The following NR3C1 variants were observed in gnomAD, a reference collection of about 807,000 sequenced individuals.
The protein encoded by NR3C1 is glucocorticoid receptor.
In NR3C1, 14 loss-of-function variants were observed where a neutral mutation model predicts 74.0. That is an observed-to-expected ratio of 0.19 (90% CI 0.12 to 0.30). The LOEUF (loss-of-function observed/expected upper bound fraction) is 0.30. Among genes scored for constraint, NR3C1 ranks in the 10% least tolerant of loss-of-function variants. The probability of loss-of-function intolerance (pLI) is 1.00; values close to 1 mark genes in which losing one functional copy is unlikely to be tolerated. For synonymous variants in NR3C1, 308 were observed against 332.5 expected, an observed-to-expected ratio of 0.93 and a Z score of 0.80; for missense variants, 695 against 909.8, an observed-to-expected ratio of 0.76 and a Z score of 3.04.
rs368889650 is a variant in NR3C1, at chr5:143,315,190, ATCTT to A, written c.1185-1026_1185-1023del. On this transcript the variant is annotated intron_variant, in intron 2 of 8. Transcript: ENST00000394464. ...ATTTTTATAAACCAATGAAACAGTG[ATCTT>A]TCTATTACTGGAGGAAAAATTAATT... Among the ~76,000 whole-genome samples, 40 of 152,342 alleles carry A rather than the reference ATCTT, an allele frequency of 2.6e-4. No individual in the cohort carries two copies. In the East Asian group the frequency reaches 5.6e-3, roughly 21 times the overall value.
intron 1 of NR3C1, among the ~76,000 whole-genome samples, chr5:143,428,953 C>A (rs986193343): frequency 6.6e-6 from 1 of 152,128 alleles, no homozygotes; most frequent in Non-Finnish European, 1.5e-5. Flanking sequence ...TTTGACTTGG[C>A]ATTTTGATTA....
intron 2 of NR3C1, chr5:143,389,944 G>A: frequency 1.0e-6 from 1 of 978,542 alleles, no homozygotes; most frequent in Non-Finnish European, 1.2e-6. Context: ...CATCTTTTGG[G>A]GAGAAAGAAC....
intron 2 of NR3C1, among the ~76,000 whole-genome samples, chr5:143,340,965 C>T (rs546745082): frequency 1.3e-5 from 2 of 152,134 alleles, no homozygotes; most frequent in Non-Finnish European, 2.9e-5. Flanking sequence ...CTTTTCTGCT[C>T]CTCTCCCTCC....
intron 6 of NR3C1, among the ~76,000 whole-genome samples, chr5:143,296,638 C>G (rs999630180): frequency 6.6e-6 from 1 of 151,414 alleles, no homozygotes; most frequent in Non-Finnish European, 1.5e-5. Flanking sequence ...TTTTTTTTTC[C>G]CCCACAACGT....
intron 2 of NR3C1, among the ~76,000 whole-genome samples, chr5:143,356,944 T>C (rs1831261835): frequency 6.6e-6 from 1 of 152,180 alleles, no homozygotes; most frequent in African/African-American, 2.4e-5. Flanking sequence ...AGTCAATAGG[T>C]AAATAAATAA....
At chr5:143,357,312 C>T (rs1175283282) in intron 2 of NR3C1, among the ~76,000 whole-genome samples, 3 of 152,142 alleles carry the variant, frequency 2.0e-5, no homozygotes, top group African/African-American at 7.2e-5. Flanking sequence ...CTAGCTTCCA[C>T]TTTCTCTTTA....
At chr5:143,405,409 A>G (rs1841052113), upstream of NR3C1, 2 of 958,050 alleles carry the variant, frequency 2.1e-6, no homozygotes, top group Admixed American at 6.2e-5. Context: ...CGCGTCCCGG[A>G]AGCCGCCCGC....
At chr5:143,390,793 T>C (rs949346010) in intron 2 of NR3C1, among the ~76,000 whole-genome samples, 2 of 152,154 alleles carry the variant, frequency 1.3e-5, no homozygotes, top group Non-Finnish European at 2.9e-5. Context: ...AGAAAATAAA[T>C]GTTATCATTC....
At chr5:143,425,671 T>C (rs190465853) in intron 1 of NR3C1, among the ~76,000 whole-genome samples, 69 of 152,222 alleles carry the variant, frequency 4.5e-4, no homozygotes, top group African/African-American at 1.6e-3. Context: ...ATACAGGAGA[T>C]ATCACTTCAT....
chr5:143,286,233 CA>C (rs1235906740), intron 7 of NR3C1, among the ~76,000 whole-genome samples: 1 of 152,062 alleles, frequency 6.6e-6, no homozygotes, highest in Non-Finnish European at 1.5e-5. Flanking sequence ...AAAAAGGCTC[CA>C]AACAAACCAA....
At chr5:143,404,380 G>A (rs1279264368), upstream of NR3C1, 2 of 984,014 alleles carry the variant, frequency 2.0e-6, no homozygotes, top group African/African-American at 3.5e-5. Flanking sequence ...ACGTACTTTG[G>A]GCCCGGGGGG....
In NR3C1 at chr5:143,349,327, A is replaced by G. The variant is rs183693293; in HGVS notation, c.1185-35159T>C. Among the ~76,000 whole-genome samples, 465 of 152,034 alleles carry G rather than the reference A, an allele frequency of 3.1e-3. 2 individuals are homozygous for G. The highest frequency in any genetic ancestry group is 0.014 in the Middle Eastern group (4 of 294). On this transcript the variant is annotated intron_variant, in intron 2 of 8. Coordinates refer to ENST00000394464, the MANE Select transcript of NR3C1 (RefSeq NM_000176.3). ...CCCCTTCTTCACTGGACAATTGCCT[A>G]CTCTCTTCATGATGACTCATCATTT...
chr5:143,368,565 A>C (rs1241326139), intron 2 of NR3C1, among the ~76,000 whole-genome samples: 1 of 151,636 alleles, frequency 6.6e-6, no homozygotes, highest in Non-Finnish European at 1.5e-5. Context: ...ACACACACAC[A>C]CACCGACAAC....
intron 2 of NR3C1, among the ~76,000 whole-genome samples, chr5:143,362,417 G>A (rs1600269685): frequency 1.3e-5 from 2 of 151,334 alleles, no homozygotes; most frequent in Non-Finnish European, 2.9e-5. Context: ...CTGGAGTGCA[G>A]TAGTGTGATC....
At chr5:143,291,670 T>TTA (rs1407407592) in intron 7 of NR3C1, among the ~76,000 whole-genome samples, 7 of 152,244 alleles carry the variant, frequency 4.6e-5, no homozygotes, top group African/African-American at 1.7e-4. Flanking sequence ...TCTACTATGT[T>TTA]TATATTGCAT....
chr5:143,383,743 A>G (rs1341729670), intron 2 of NR3C1, among the ~76,000 whole-genome samples: 1 of 152,258 alleles, frequency 6.6e-6, no homozygotes, highest in African/African-American at 2.4e-5. Flanking sequence ...GTTGTTATCA[A>G]TTTAGGACTC....
chr5:143,374,609 G>T (rs913728744), intron 2 of NR3C1, among the ~76,000 whole-genome samples: 5 of 152,004 alleles, frequency 3.3e-5, no homozygotes, highest in Admixed American at 1.3e-4. Flanking sequence ...TTTTAAATGG[G>T]GGCGAGGGCA....
At chr5:143,382,692 C>A (rs951297768) in intron 2 of NR3C1, among the ~76,000 whole-genome samples, 3 of 152,198 alleles carry the variant, frequency 2.0e-5, no homozygotes, top group African/African-American at 4.8e-5. Context: ...AATACTGGAC[C>A]TAGTTTCCTC....
intron 2 of NR3C1, among the ~76,000 whole-genome samples, chr5:143,392,281 T>G (rs928180165): frequency 6.6e-6 from 1 of 152,186 alleles, no homozygotes; most frequent in Admixed American, 6.5e-5. Context: ...TTTTTAATTT[T>G]CAAAGTAAAC....
Sources: gnomAD v4.1 joint callset for allele counts (sites outside exome capture counted in the v4.1 genomes callset) on GRCh38, gnomAD v4.1.1 for gene constraint, MANE v1.5 for transcripts, NCBI Gene and HGNC (gene_info 2026-07-23, HGNC 2026-07-21) for gene names.